ADAMTS12: variants seen among roughly 807,000 people sequenced by gnomAD.
The protein encoded by ADAMTS12 is A disintegrin and metalloproteinase with thrombospondin motifs 12.
ADAMTS12 carries 118 observed loss-of-function variants against 167.8 expected under a neutral mutation model. The ratio of observed to expected loss-of-function variants is 0.70; its 90% CI spans 0.61 to 0.82. ADAMTS12 has a LOEUF of 0.82. Ranked by LOEUF, ADAMTS12 falls within the 40% of genes least tolerant of loss-of-function variation. The pLI is 0.00. For missense variants in ADAMTS12, 1,916 were observed against 1,998.8 expected (o/e 0.96, Z 0.79); for synonymous variants, 704 against 716.9 (o/e 0.98, Z 0.29).
chr5:33,858,688 T>C (rs956682649), intron 2 of ADAMTS12, among the ~76,000 whole-genome samples: 5 of 150,672 alleles, frequency 3.3e-5, no homozygotes, highest in African/African-American at 9.8e-5. Context: ...AAAAAGAAAT[T>C]GCCAACAACA....
chr5:33,650,652 C>T (rs1353404759), intron 7 of ADAMTS12, among the ~76,000 whole-genome samples: 1 of 152,186 alleles, frequency 6.6e-6, no homozygotes, highest in Non-Finnish European at 1.5e-5. Flanking sequence ...CCCAGTGAAG[C>T]AGCCTTTAAG....
intron 15 of ADAMTS12, among the ~76,000 whole-genome samples, chr5:33,615,284 G>A (rs908213305): frequency 2.6e-5 from 4 of 152,230 alleles, no homozygotes; most frequent in Non-Finnish European, 5.9e-5. Flanking sequence ...ACTGTGGCTG[G>A]ATCTAACTCC....
In ADAMTS12 at chr5:33,549,240, G is replaced by A; in HGVS notation, c.4269C>T (p.Pro1423=). The change falls in exon 21 of 24, where the codon CCC becomes CCT. Residue 1423 remains proline (P), a synonymous_variant. Transcript: ENST00000504830. ...AAGGCTCCACCTGCCACGCCTCACA[G>A]GGCTCCGGGTTACAGCTCATGCTCA... ...PPLSMSCNPE[P]CEAWQVEPWS... The A allele has an allele frequency of 6.2e-7, 1 of 1,614,174 alleles. No homozygotes were observed. The highest frequency in any genetic ancestry group is 8.5e-7 in the Non-Finnish European group (1 of 1,180,006).
intron 19 of ADAMTS12, 151 bp from the exon 20 acceptor site, chr5:33,561,330 TCA>T: frequency 2.2e-6 from 2 of 912,414 alleles, no homozygotes; most frequent in Admixed American, 3.0e-5. Flanking sequence ...GGCACCCCAC[TCA>T]CACAAATTAA....
At position 33,588,666 on chromosome 5, in the gene ADAMTS12, T is replaced by C; in HGVS notation, c.2798A>G (p.Lys933Arg). Residue 933 changes from lysine (K) to arginine (R), a missense_variant, in exon 18 of 24, where the codon AAG becomes AGG. By Grantham distance (26) the Lys-to-Arg change is conservative. Coordinates refer to ENST00000504830, the MANE Select transcript of ADAMTS12 (RefSeq NM_030955.4). Reference sequence around the variant, plus strand: ...GTCTCTGTTGCAGGAAAGGAGGGTCTTGGGCTTCAGCAGGTGCTGGCAGTC... The same window carrying C: ...GTCTCTGTTGCAGGAAAGGAGGGTCCTGGGCTTCAGCAGGTGCTGGCAGTC... The part of the protein sequence containing the change: ...PTDCQHLLKP[K>R]TLLSCNRDIL... The C allele has an allele frequency of 6.2e-7, 1 of 1,614,106 alleles. No individual in the cohort carries two copies. Among genetic ancestry groups the C allele is most frequent in the Non-Finnish European group, 8.5e-7 (1 of 1,180,016 alleles).
At chr5:33,755,767 A>G (rs1023832965) in intron 2 of ADAMTS12, among the ~76,000 whole-genome samples, 2 of 152,162 alleles carry the variant, frequency 1.3e-5, no homozygotes, top group African/African-American at 4.8e-5. Flanking sequence ...TGAAACCATC[A>G]CCCTGCCTTG....
intron 2 of ADAMTS12, among the ~76,000 whole-genome samples, chr5:33,760,358 A>G (rs1745304373): frequency 6.6e-6 from 1 of 151,990 alleles, no homozygotes; most frequent in Admixed American, 6.6e-5. Flanking sequence ...GCAGACTAGG[A>G]CGATAAAAAG....
chr5:33,779,867 A>G (rs182581149), intron 2 of ADAMTS12, among the ~76,000 whole-genome samples: 2 of 152,196 alleles, frequency 1.3e-5, no homozygotes, highest in Non-Finnish European at 2.9e-5. Context: ...TCAGTTAAGC[A>G]AGAAGGATAA....
At chr5:33,707,940 A>G (rs1184865112) in intron 3 of ADAMTS12, among the ~76,000 whole-genome samples, 1 of 152,228 alleles carries the variant, frequency 6.6e-6, no homozygotes, top group African/African-American at 2.4e-5. Flanking sequence ...ACAAAAGCCA[A>G]AATAGACAAA....
chr5:33,696,984 C>T (rs1315684097), intron 3 of ADAMTS12, among the ~76,000 whole-genome samples: 1 of 152,178 alleles, frequency 6.6e-6, no homozygotes, highest in African/African-American at 2.4e-5. Flanking sequence ...AATTCTTTCA[C>T]TCCACTAATT....
At position 33,547,499 on chromosome 5, in the gene ADAMTS12, C is replaced by T. The variant is rs560978890; in HGVS notation, c.4303-1297G>A. Among the ~76,000 whole-genome samples, 10 of 152,102 alleles carry T rather than the reference C, an allele frequency of 6.6e-5. No individual in the cohort carries two copies. The South Asian group carries it at 1.5e-3, about 22-fold the overall frequency. ...GGCCGATATGCTTGCCAGATGGGTT[C>T]GTAACATTCCCAGGATGGCAGTCAG... On this transcript the variant is annotated intron_variant, in intron 21 of 23. Coordinates refer to ENST00000504830, the MANE Select transcript of ADAMTS12 (RefSeq NM_030955.4).
intron 2 of ADAMTS12, among the ~76,000 whole-genome samples, chr5:33,805,743 G>A (rs1747200643): frequency 2.0e-5 from 3 of 152,100 alleles, no homozygotes; most frequent in Admixed American, 2.0e-4. Flanking sequence ...AGGAAAAAAG[G>A]GCTGGGTGCA....
intron 2 of ADAMTS12, among the ~76,000 whole-genome samples, chr5:33,855,519 G>T (rs1478414555): frequency 6.6e-6 from 1 of 152,158 alleles, no homozygotes; most frequent in East Asian, 1.9e-4. Context: ...CATTCTATTT[G>T]TTCTGGTGAT....
At chr5:33,535,511 T>G (rs1348709127) in intron 22 of ADAMTS12, among the ~76,000 whole-genome samples, 1 of 152,084 alleles carries the variant, frequency 6.6e-6, no homozygotes, top group Non-Finnish European at 1.5e-5. Context: ...GAAAACCAGA[T>G]GGCAGAAAAG....
intron 2 of ADAMTS12, among the ~76,000 whole-genome samples, chr5:33,865,756 CAGTAA>C (rs1749795226): frequency 6.6e-6 from 1 of 152,130 alleles, no homozygotes; most frequent in African/African-American, 2.4e-5. Context: ...TAAACAAATT[CAGTAA>C]AGTATCTGGT....
intron 2 of ADAMTS12, among the ~76,000 whole-genome samples, chr5:33,799,164 C>T (rs1312401076): frequency 2.0e-5 from 3 of 152,118 alleles, no homozygotes. Context: ...CATGTGTGCT[C>T]CAGAAGCAGC....
chr5:33,692,373 T>A (rs1742583285), intron 3 of ADAMTS12, among the ~76,000 whole-genome samples: 1 of 152,224 alleles, frequency 6.6e-6, no homozygotes, highest in Non-Finnish European at 1.5e-5. Context: ...GAGCCTGGGT[T>A]CCTGATTGTG....
Position 33,576,630 on chromosome 5 carries a change from G to T in ADAMTS12, c.3396C>A (p.Ser1132=), listed in dbSNP as rs1325841611. The T allele has an allele frequency of 6.2e-6, 10 of 1,614,072 alleles. No homozygotes were observed. The highest frequency in any genetic ancestry group is 1.7e-5 in the Admixed American group (1 of 60,002). Residue 1132 remains serine (S), a synonymous_variant, in exon 19 of 24, where the codon TCC becomes TCA. Transcript: ENST00000504830. ...TTTSGSGLSS[S]RNPITWPVTP... ...TCACAGGCCAAGTGATAGGGTTGCGGGAAGATGACAAGCCAGAACCACTTG... is the reference window on the plus strand; with the variant it reads ...TCACAGGCCAAGTGATAGGGTTGCGTGAAGATGACAAGCCAGAACCACTTG...
chr5:33,694,504 C>A (rs914537061), intron 3 of ADAMTS12, among the ~76,000 whole-genome samples: 1 of 152,190 alleles, frequency 6.6e-6, no homozygotes, highest in Non-Finnish European at 1.5e-5. Flanking sequence ...GCCAGCCATT[C>A]TTCTATGAAG....
Sources: gnomAD v4.1 joint callset for allele counts (sites outside exome capture counted in the v4.1 genomes callset) on GRCh38, gnomAD v4.1.1 for gene constraint, MANE v1.5 for transcripts, NCBI Gene and HGNC (gene_info 2026-07-23, HGNC 2026-07-21) for gene names.